The following PHF21B variants were observed in gnomAD, a reference collection of about 807,000 sequenced individuals.
PHF21B encodes the protein PHD finger protein 21B.
A neutral mutation model predicts 62.2 loss-of-function variants in PHF21B; 22 were observed. The observed-to-expected ratio is 0.35, with a 90% CI of 0.25 to 0.51. The LOEUF (loss-of-function observed/expected upper bound fraction) is 0.51. Ranked by LOEUF, PHF21B falls within the 20% of genes least tolerant of loss-of-function variation. The pLI, the probability that PHF21B is intolerant of heterozygous loss-of-function variation, is 0.97. For synonymous variants in PHF21B, 341 were observed against 314.7 expected (o/e 1.08, Z -0.88); for missense variants, 701 against 707.9 (o/e 0.99, Z 0.11).
chr22:44,893,385 G>A (rs2071000827), intron 7 of PHF21B, 72 bp downstream of exon 7: 2 of 1,449,498 alleles, frequency 1.4e-6, no homozygotes, highest in South Asian at 2.4e-5. Context: ...GGGAGGCCCT[G>A]GGACTTTTCC....
chr22:45,004,020 G>A (rs1314545562), intron 2 of PHF21B, among the ~76,000 whole-genome samples: 5 of 151,806 alleles, frequency 3.3e-5, no homozygotes, highest in East Asian at 1.9e-4. Context: ...CCATTCATAC[G>A]AAAGCCCAGA....
intron 3 of PHF21B, among the ~76,000 whole-genome samples, chr22:44,918,850 T>C (rs984721265): frequency 1.3e-5 from 2 of 152,228 alleles, no homozygotes; most frequent in Non-Finnish European, 2.9e-5. Context: ...AGCCTCTCCC[T>C]GGAGCCTGCC....
At chr22:44,911,148 C>T (rs917996306) in intron 5 of PHF21B, among the ~76,000 whole-genome samples, 9 of 152,170 alleles carry the variant, frequency 5.9e-5, no homozygotes, top group African/African-American at 2.2e-4. Context: ...AACTTCTAAG[C>T]AGCAAAGCAT....
At chr22:44,965,764 G>A (rs1024522816) in intron 2 of PHF21B, among the ~76,000 whole-genome samples, 1 of 152,192 alleles carries the variant, frequency 6.6e-6, no homozygotes, top group Non-Finnish European at 1.5e-5. Context: ...CCACACTGGA[G>A]CCACTGCCAG....
intron 2 of PHF21B, among the ~76,000 whole-genome samples, chr22:44,969,919 C>T (rs1601659546): frequency 1.3e-5 from 2 of 152,242 alleles, no homozygotes; most frequent in African/African-American, 4.8e-5. Context: ...GAGATTTGAA[C>T]ACTGTCTCGT....
intron 2 of PHF21B, among the ~76,000 whole-genome samples, chr22:44,985,894 CCAT>C (rs1435684571): frequency 1.3e-5 from 2 of 151,142 alleles, no homozygotes; most frequent in South Asian, 2.1e-4. Context: ...AGCACCACCA[CCAT>C]CACCATGAGC....
At chr22:44,903,237 T>A (rs548148083) in intron 5 of PHF21B, among the ~76,000 whole-genome samples, 1 of 152,234 alleles carries the variant, frequency 6.6e-6, no homozygotes, top group East Asian at 1.9e-4. Flanking sequence ...GCTCAGATAC[T>A]CCCTTTCCTT....
At chr22:44,951,608 T>C (rs542445180) in intron 2 of PHF21B, among the ~76,000 whole-genome samples, 1 of 152,346 alleles carries the variant, frequency 6.6e-6, no homozygotes, top group East Asian at 1.9e-4. Flanking sequence ...TGAAAGCTGT[T>C]GTAGCCAGAT....
intron 2 of PHF21B, among the ~76,000 whole-genome samples, chr22:44,942,715 C>T (rs6007395): frequency 1.3e-5 from 2 of 151,954 alleles, no homozygotes; most frequent in Non-Finnish European, 2.9e-5. Context: ...GCCCAGCGCA[C>T]GAGCTGTCGG....
intron 2 of PHF21B, among the ~76,000 whole-genome samples, chr22:44,951,033 C>T (rs934705440): frequency 1.3e-5 from 2 of 152,114 alleles, no homozygotes; most frequent in South Asian, 2.1e-4. Flanking sequence ...TGCCGCCAGA[C>T]GCAGCGGTAC....
intron 12 of PHF21B, among the ~76,000 whole-genome samples, chr22:44,884,638 TCAC>T (rs2070818942): frequency 6.8e-6 from 1 of 148,050 alleles, no homozygotes; most frequent in Non-Finnish European, 1.5e-5. Context: ...ACCATTATCA[TCAC>T]CACCATCACC....
intron 2 of PHF21B, among the ~76,000 whole-genome samples, chr22:44,964,778 G>A (rs978607344): frequency 4.6e-5 from 7 of 152,024 alleles, no homozygotes; most frequent in Admixed American, 6.5e-5. Flanking sequence ...CCCCAGTCTC[G>A]GGCCCAAGTC....
chr22:44,946,495 T>G (rs16993191), intron 2 of PHF21B, among the ~76,000 whole-genome samples: 1 of 151,850 alleles, frequency 6.6e-6, no homozygotes, highest in African/African-American at 2.4e-5. Flanking sequence ...CGGAAAGTCC[T>G]GTTATTATGG....
Position 44,913,999 on chromosome 22 carries a change from T to A in PHF21B, c.654A>T (p.Pro218=). 2.4e-6 allele frequency: 1 copy of A among 416,822 alleles called. No homozygotes were observed. The highest frequency in any genetic ancestry group is 3.6e-6 in the Non-Finnish European group (1 of 274,532). 25.8% of individuals were successfully genotyped at this position (416,822 alleles called of 1,614,324 possible). ...PSSLPLTPPS[P]SLSPSPLHGI... is the part of the protein sequence containing the mutation. ...CATGGAGGGGTGAAGGGGACAGTGA[T>A]GGGGAGGGAGGGGTGAGGGGAAGAG... Residue 218 remains proline, a synonymous_variant, in exon 5 of 13, where the codon CCA becomes CCT. Transcript: ENST00000313237.
intron 2 of PHF21B, among the ~76,000 whole-genome samples, chr22:44,942,089 CTG>C (rs1275131005): frequency 6.6e-6 from 1 of 152,238 alleles, no homozygotes; most frequent in African/African-American, 2.4e-5. Flanking sequence ...CACAGCAAGT[CTG>C]GGGCCAGAAG....
rs139140473 is a variant in PHF21B, at chr22:44,944,167, C to A, written c.121-23677G>T. 9.3e-4 allele frequency among the ~76,000 whole-genome samples: 141 copies of A among 152,354 alleles called. 3 individuals carry two copies. The East Asian group carries it at 0.025, about 27-fold the overall frequency. ...CAGTGAAGGACTGTGCGCCCAGCAT[C>A]CAGTGGCTTCCACCTATGGCGTGTG... On this transcript the variant is annotated intron_variant, in intron 2 of 12. Transcript: ENST00000313237.
chr22:44,946,256 G>A (rs865885279), intron 2 of PHF21B, among the ~76,000 whole-genome samples: 1 of 152,086 alleles, frequency 6.6e-6, no homozygotes, highest in African/African-American at 2.4e-5. Flanking sequence ...AGAGACTAGA[G>A]AGGCTCCCTA....
At position 44,891,310 on chromosome 22, in the gene PHF21B, C is replaced by T. The variant is rs1217776134; in HGVS notation, c.1011G>A (p.Ala337=). Residue 337 remains alanine, a synonymous_variant, in exon 8 of 13, where the codon GCG becomes GCA. Transcript: ENST00000313237. ...AGGCCTGAAGCCGGTGCTTACCTCTCGCTGTGAGGAACAGGGGGTTGTTGA... is the reference window on the plus strand; with the variant it reads ...AGGCCTGAAGCCGGTGCTTACCTCTTGCTGTGAGGAACAGGGGGTTGTTGA... The part of the protein sequence containing the change: ...NYLNNPLFLT[A]RANEDPCWKN... 4 of 1,613,904 alleles carry T rather than the reference C, an allele frequency of 2.5e-6. No homozygotes were observed. Among genetic ancestry groups the T allele is most frequent in the East Asian group, 4.5e-5 (2 of 44,866 alleles).
At chr22:44,886,574 C>T (rs1441599695) in intron 10 of PHF21B, among the ~76,000 whole-genome samples, 1 of 152,046 alleles carries the variant, frequency 6.6e-6, no homozygotes, top group Admixed American at 6.5e-5. Flanking sequence ...GTGGTCCCAG[C>T]TCCTCAGGAG....
Sources: allele counts gnomAD v4.1 joint callset (sites outside exome capture counted in the v4.1 genomes callset), GRCh38; gene constraint gnomAD v4.1.1; transcripts MANE v1.5; gene names NCBI Gene and HGNC (gene_info 2026-07-23, HGNC 2026-07-21).